LARGE1: variants seen among roughly 807,000 people sequenced by gnomAD.
The protein encoded by LARGE1 is LARGE xylosyl- and glucuronyltransferase 1, also known as xylosyl- and glucuronyltransferase LARGE1.
Under a neutral mutation model 87.6 loss-of-function variants are expected in LARGE1, and 43 were observed. That is an observed-to-expected ratio of 0.49 (90% CI 0.38 to 0.63). The LOEUF (loss-of-function observed/expected upper bound fraction) is 0.63. LARGE1 is among the 30% of genes least tolerant of loss of function. LARGE1 has a pLI of 0.00. For missense variants in LARGE1, 802 were observed against 1,000.2 expected, an observed-to-expected ratio of 0.80 and a Z score of 2.67; for synonymous variants, 434 against 394.6, an observed-to-expected ratio of 1.10 and a Z score of -1.18.
At chr22:33,799,227 C>T (rs535192340) in intron 1 of LARGE1, among the ~76,000 whole-genome samples, 10 of 151,990 alleles carry the variant, frequency 6.6e-5, no homozygotes, top group Non-Finnish European at 1.0e-4. Flanking sequence ...GGGTAGGATG[C>T]GAGCCTATCC....
intron 7 of LARGE1, among the ~76,000 whole-genome samples, chr22:33,422,140 A>G (rs2066715729): frequency 6.6e-6 from 1 of 152,154 alleles, no homozygotes; most frequent in Non-Finnish European, 1.5e-5. Context: ...AACACCTCCA[A>G]CCTTCGACTT....
chr22:33,120,370 CTT>C, the LARGE1 span, among the ~76,000 whole-genome samples: 1 of 83,652 alleles, frequency 1.2e-5, no homozygotes, highest in East Asian at 3.4e-4. Context: ...TTCTTTCTTT[CTT>C]TCTTTCTTTC....
intron 7 of LARGE1, among the ~76,000 whole-genome samples, chr22:33,386,419 T>C (rs1252070221): frequency 6.7e-6 from 1 of 148,778 alleles, no homozygotes; most frequent in African/African-American, 2.4e-5. Context: ...TGACTCTCAG[T>C]TTCTATGAGT....
intron 6 of LARGE1, among the ~76,000 whole-genome samples, chr22:33,501,621 A>T (rs1203793676): frequency 6.6e-6 from 1 of 152,162 alleles, no homozygotes; most frequent in Non-Finnish European, 1.5e-5. Context: ...TCTTAATCTC[A>T]ACCTGCTTAC....
the LARGE1 span, among the ~76,000 whole-genome samples, chr22:33,113,905 C>G: frequency 6.7e-5 from 10 of 149,338 alleles, no homozygotes; most frequent in Admixed American, 6.0e-4. Flanking sequence ...GAGTCTCGCT[C>G]TATCGCCCAG....
intron 6 of LARGE1, among the ~76,000 whole-genome samples, chr22:33,466,349 T>TTTTTC (rs2068607202): frequency 6.6e-6 from 1 of 150,852 alleles, no homozygotes; most frequent in African/African-American, 2.5e-5. Context: ...TCACTGTTTT[T>TTTTTC]TTTTCTTGCT....
chr22:33,742,189 T>C (rs989692841), intron 2 of LARGE1, among the ~76,000 whole-genome samples: 3 of 151,998 alleles, frequency 2.0e-5, no homozygotes, highest in African/African-American at 7.3e-5. Context: ...TTTGGGAAAG[T>C]CATTGAACCT....
intron 1 of LARGE1, among the ~76,000 whole-genome samples, chr22:33,913,377 T>C (rs1005224425): frequency 6.6e-6 from 1 of 152,222 alleles, no homozygotes; most frequent in African/African-American, 2.4e-5. Context: ...GTTAAATAAG[T>C]AATCTGCCAA....
chr22:33,142,030 CAACAAAACAA>C, the LARGE1 span, among the ~76,000 whole-genome samples: 1 of 151,160 alleles, frequency 6.6e-6, no homozygotes, highest in Non-Finnish European at 1.5e-5. Flanking sequence ...GCTTACTTAA[CAACAAAACAA>C]AACAAAACAA....
intron 6 of LARGE1, among the ~76,000 whole-genome samples, chr22:33,434,524 C>T (rs1216825661): frequency 6.6e-6 from 1 of 152,200 alleles, no homozygotes; most frequent in African/African-American, 2.4e-5. Flanking sequence ...TGGTCTCGAT[C>T]TCCTGACCTT....
intron 1 of LARGE1, among the ~76,000 whole-genome samples, chr22:33,852,285 A>C (rs2063608863): frequency 6.6e-6 from 1 of 152,174 alleles, no homozygotes. Context: ...TGAGCTGAGA[A>C]ACTGAAACCG....
rs577100655 is a variant in LARGE1 at position 33,698,810 on chromosome 22, C to T, written c.107-48142G>A. Among the ~76,000 whole-genome samples, 26 of 152,332 alleles carry T rather than the reference C, an allele frequency of 1.7e-4. 2 individuals carry two copies. Among genetic ancestry groups the T allele is most frequent in the African/African-American group, 3.1e-4 (13 of 41,576 alleles). On this transcript the variant is annotated intron_variant, in intron 2 of 14. Transcript: ENST00000397394. The stretch of plus-strand genomic sequence containing the variant: ...CCACTGGATGGAACGTGCATCCTCT[C>T]GATATTTGTGTGCTGTGCACCCTGA...
intron 13 of LARGE1, among the ~76,000 whole-genome samples, chr22:33,281,476 A>C (rs1024114073): frequency 1.3e-5 from 2 of 152,098 alleles, no homozygotes; most frequent in Non-Finnish European, 2.9e-5. Flanking sequence ...GTACGAATCC[A>C]GGCTCTGCTA....
At chr22:33,765,755 A>G (rs1439726128) in intron 1 of LARGE1, among the ~76,000 whole-genome samples, 1 of 150,810 alleles carries the variant, frequency 6.6e-6, no homozygotes, top group Non-Finnish European at 1.5e-5. Context: ...AAACTTTTAA[A>G]GGAAGGGAGG....
intron 6 of LARGE1, among the ~76,000 whole-genome samples, chr22:33,472,139 C>A (rs1199253966): frequency 6.6e-6 from 1 of 152,156 alleles, no homozygotes; most frequent in Non-Finnish European, 1.5e-5. Flanking sequence ...GCTGAGCAGG[C>A]AATCCTGATT....
chr22:33,812,772 A>G (rs1279342697), intron 1 of LARGE1, among the ~76,000 whole-genome samples: 1 of 152,210 alleles, frequency 6.6e-6, no homozygotes, highest in Non-Finnish European at 1.5e-5. Context: ...GTTTCTTCAC[A>G]GTTTATTTGC....
intron 8 of LARGE1, among the ~76,000 whole-genome samples, 181 bp from the exon 9 acceptor site, chr22:33,382,225 T>C (rs539777096): frequency 2.0e-5 from 3 of 151,772 alleles, no homozygotes; most frequent in Admixed American, 1.3e-4. Context: ...CAAGCAATAA[T>C]GTTTGGATAG....
chr22:33,398,517 C>A (rs557487899), intron 7 of LARGE1, among the ~76,000 whole-genome samples: 111 of 152,294 alleles, frequency 7.3e-4, no homozygotes, highest in Admixed American at 1.4e-3. Context: ...CTGGTCAACC[C>A]TGCAGATCTG....
At position 33,225,200 on chromosome 22, in the gene LARGE1, C is replaced by G. The variant is rs1925671834; in HGVS notation, c.1731-58368G>C. Among the ~76,000 whole-genome samples, 3 of 152,238 alleles carry G rather than the reference C, an allele frequency of 2.0e-5. No individual in the cohort carries two copies. The South Asian group carries it at 6.2e-4, about 32-fold the overall frequency. ...AGCCGTGGGCATGATAGAGACCAAC[C>G]AGGAGAGGCAAGGTAGGACGGTCTG... On this transcript the variant is annotated intron_variant, in intron 11 of 11. Transcript: ENST00000608642.
Sources: allele counts gnomAD v4.1 joint callset (sites outside exome capture counted in the v4.1 genomes callset), GRCh38; gene constraint gnomAD v4.1.1; transcripts MANE v1.5; gene names NCBI Gene and HGNC (gene_info 2026-07-23, HGNC 2026-07-21).